CYP4V2: variants seen among roughly 807,000 people sequenced by gnomAD.
CYP4V2 encodes cytochrome P450 family 4 subfamily V member 2.
CYP4V2 carries 55 observed loss-of-function variants against 60.8 expected under a neutral mutation model. The ratio of observed to expected loss-of-function variants is 0.90; its 90% CI spans 0.73 to 1.13. CYP4V2 has a LOEUF of 1.13. Ranked by LOEUF, CYP4V2 falls within the 50% of genes most tolerant of loss-of-function variation. The pLI, the probability that CYP4V2 is intolerant of heterozygous loss-of-function variation, is 0.00. For missense variants in CYP4V2, 675 were observed against 662.9 expected (o/e 1.02, Z -0.20); for synonymous variants, 239 against 236.8 (o/e 1.01, Z -0.08).
At position 186,195,020 on chromosome 4, in the gene CYP4V2, T is replaced by C. The variant is rs1158478727; in HGVS notation, c.327+408T>C. 1.3e-5 allele frequency among the ~76,000 whole-genome samples: 2 copies of C among 152,194 alleles called. No individual in the cohort carries two copies. The highest frequency in any genetic ancestry group is 1.5e-5 in the Non-Finnish European group (1 of 68,040). Reference sequence around the variant, plus strand: ...ATCAATGATAAACTTAGTCCAAATTTAAAAGACAATGCAAATTTGATATTT... The same window carrying C: ...ATCAATGATAAACTTAGTCCAAATTCAAAAGACAATGCAAATTTGATATTT... On this transcript the variant is annotated intron_variant, in intron 2 of 10. Coordinates refer to ENST00000378802, the MANE Select transcript of CYP4V2 (RefSeq NM_207352.4). The surrounding 1 kb of genome is among the most constrained non-coding windows in gnomAD (Gnocchi z 4.1).
In CYP4V2 at chr4:186,210,801, A is replaced by G. The variant is rs187506967; in HGVS notation, c.*160A>G. On this transcript the variant is annotated 3_prime_UTR_variant, in exon 11 of 11. Coordinates refer to ENST00000378802, the MANE Select transcript of CYP4V2 (RefSeq NM_207352.4). ...TTGACATCAAGTCTAACAAAGAAAA[A>G]GTTTTGAGTTTTGTATTTTCTTTTT... The G allele has an allele frequency of 6.6e-4, 549 of 827,556 alleles. 2 individuals carry two copies. In the African/African-American group the frequency reaches 7.7e-3, roughly 12 times the overall value. 51.3% of individuals were successfully genotyped at this position (827,556 alleles called of 1,614,324 possible).
chr4:186,204,434 T>A, intron 7 of CYP4V2: 1 of 186,992 alleles, frequency 5.3e-6, no homozygotes, highest in Admixed American at 6.2e-5. Flanking sequence ...GCGTAAGAGG[T>A]GGAGGTGGAG....
chr4:186,210,505 T>G lies in CYP4V2; in HGVS notation c.1442T>G (p.Leu481Arg). The G allele has an allele frequency of 1.2e-6, 2 of 1,614,220 alleles. No individual in the cohort carries two copies. Among genetic ancestry groups the G allele is most frequent in the South Asian group, 2.2e-5 (2 of 91,082 alleles). Reference protein sequence around the residue: ...KFAVMEEKTILSCILRHFWIE... With the variant: ...KFAVMEEKTIRSCILRHFWIE... ...GCTGTGATGGAAGAAAAGACCATTC[T>G]TTCGTGCATCCTGAGGCACTTTTGG... The change falls in exon 11 of 11, where the codon CTT becomes CGT. Residue 481 changes from leucine to arginine, a missense_variant. Transcript: ENST00000378802.
intron 8 of CYP4V2, among the ~76,000 whole-genome samples, chr4:186,206,387 G>A (rs773890969): frequency 4.9e-4 from 75 of 152,204 alleles, no homozygotes; most frequent in Admixed American, 2.2e-3. Context: ...CAGATTGCAG[G>A]GATTAAGACC....
chr4:186,202,400 G>A lies in CYP4V2; in HGVS notation c.987+1058G>A, dbSNP rs145616822. The A allele has an allele frequency of 2.0e-4, 30 of 152,246 alleles. No individual in the cohort carries two copies. The East Asian group carries it at 5.2e-3, about 26-fold the overall frequency. The allele number at this position is 152,246 out of a possible 1,614,324, so 9.4% of individuals were successfully genotyped here. A position where few individuals can be genotyped will look rare whatever the true frequency, so the allele number is the denominator to read the frequency against. The stretch of plus-strand genomic sequence containing the variant: ...ATGACCTCAAGCACCTCACCTAGCC[G>A]TTCTGGGCCTGAATATTCTTATTTT... On this transcript the variant is annotated intron_variant, in intron 7 of 10. Transcript: ENST00000378802.
chr4:186,194,443 A>T, intron 1 of CYP4V2, 57 bp from the exon 2 acceptor site: 1 of 1,442,398 alleles, frequency 6.9e-7, no homozygotes, highest in Non-Finnish European at 9.8e-7. Context: ...CCTTTGTCCA[A>T]TACTGGTCAC....
At chr4:186,193,358 C>A (rs1367924696) in intron 1 of CYP4V2, among the ~76,000 whole-genome samples, 1 of 152,184 alleles carries the variant, frequency 6.6e-6, no homozygotes, top group African/African-American at 2.4e-5. Context: ...TGTGAGCTGA[C>A]TGGACTATTT....
At chr4:186,199,168 G>A (rs1428532468) in intron 6 of CYP4V2, 85 bp downstream of exon 6, 1 of 1,379,770 alleles carries the variant, frequency 7.2e-7, no homozygotes, top group South Asian at 1.2e-5. Context: ...ACAGTTTGGT[G>A]GTATTAAGTG....
Position 186,209,100 on chromosome 4 carries a change from C to T in CYP4V2, c.1233C>T (p.Tyr411=), listed in dbSNP as rs1452776586. The T allele has an allele frequency of 1.2e-6, 2 of 1,614,138 alleles. No homozygotes were observed. Among genetic ancestry groups the T allele is most frequent in the East Asian group, 2.2e-5 (1 of 44,876 alleles). Residue 411 remains tyrosine (Y), a synonymous_variant, in exon 10 of 11, where the codon TAC becomes TAT. Transcript: ENST00000378802. ...SVSEDCEVAG[Y]RVLKGTEAVI... is the part of the protein sequence containing the mutation. ...TTGACTACTTCTTGACAGCAGGTTA[C>T]AGAGTTCTAAAAGGCACTGAAGCCG...
intron 6 of CYP4V2, among the ~76,000 whole-genome samples, chr4:186,199,991 AT>A (rs1182195595): frequency 6.6e-6 from 1 of 152,206 alleles, no homozygotes; most frequent in Non-Finnish European, 1.5e-5. Flanking sequence ...CATGAATGCA[AT>A]GTTGGCTGAG....
chr4:186,195,982 G>T lies in CYP4V2; in HGVS notation c.328-21G>T. The T allele has an allele frequency of 6.4e-7, 1 of 1,558,014 alleles. No individual in the cohort carries two copies. The highest frequency in any genetic ancestry group is 8.9e-7 in the Non-Finnish European group (1 of 1,129,826). On this transcript the variant is annotated intron_variant, in intron 2 of 10. Coordinates refer to ENST00000378802, the MANE Select transcript of CYP4V2 (RefSeq NM_207352.4). The surrounding 1 kb of genome is among the most constrained non-coding windows in gnomAD (Gnocchi z 4.1). ...TGTTTGATGTCTGTATGTCTCTAAA[G>T]TATGTTTTTCTCTTCCTAAGGTAAT...
chr4:186,199,258 C>T (rs1736239190), intron 6 of CYP4V2, among the ~76,000 whole-genome samples, 175 bp downstream of exon 6: 1 of 152,146 alleles, frequency 6.6e-6, no homozygotes, highest in African/African-American at 2.4e-5. Context: ...GTTTTGTTAA[C>T]ATACCCGGTG....
intron 7 of CYP4V2, chr4:186,204,160 T>A (rs548721140): frequency 6.3e-6 from 1 of 159,858 alleles, no homozygotes. Context: ...CCCGAGACAT[T>A]ACACTAGCTT....
At chr4:186,202,379 C>T (rs1487867243) in intron 7 of CYP4V2, 1 of 152,148 alleles carries the variant, frequency 6.6e-6, no homozygotes, top group East Asian at 1.9e-4. Flanking sequence ...GGGACCATGA[C>T]CTCAAGCACC....
intron 8 of CYP4V2, among the ~76,000 whole-genome samples, chr4:186,207,499 ATAAT>A (rs146025719): frequency 0.025 from 3,672 of 147,756 alleles, 126 homozygotes; most frequent in African/African-American, 0.084. Context: ...TTATTAATTA[ATAAT>A]TAATTATTAA....
At chr4:186,199,203 C>T (rs1204715231) in intron 6 of CYP4V2, 120 bp downstream of exon 6, 6 of 1,095,640 alleles carry the variant, frequency 5.5e-6, no homozygotes, top group Non-Finnish European at 8.0e-6. Flanking sequence ...TGCAACCATC[C>T]CCACCGTTCA....
At chr4:186,206,214 TGTG>T (rs1445567473) in intron 8 of CYP4V2, among the ~76,000 whole-genome samples, 4 of 151,720 alleles carry the variant, frequency 2.6e-5, no homozygotes, top group African/African-American at 2.4e-5. Flanking sequence ...GCATGTGTGG[TGTG>T]TGTGTGTGTG....
At chr4:186,194,241 A>G (rs1736076324) in intron 1 of CYP4V2, among the ~76,000 whole-genome samples, 1 of 152,136 alleles carries the variant, frequency 6.6e-6, no homozygotes, top group African/African-American at 2.4e-5. Context: ...TCAAAACCTA[A>G]TAATTATTAT....
At chr4:186,206,357 T>C (rs1402821204) in intron 8 of CYP4V2, among the ~76,000 whole-genome samples, 10 of 152,172 alleles carry the variant, frequency 6.6e-5, no homozygotes, top group Non-Finnish European at 1.3e-4. Flanking sequence ...GTTCTCTTCT[T>C]CCAAATAGGG....
Sources: allele counts gnomAD v4.1 joint callset (sites outside exome capture counted in the v4.1 genomes callset), GRCh38; gene constraint gnomAD v4.1.1; non-coding constraint Gnocchi (gnomAD v3.1); transcripts MANE v1.5; gene names NCBI Gene and HGNC (gene_info 2026-07-23, HGNC 2026-07-21).